Variants in TSNARE1 observed in about 807,000 individuals in gnomAD.
TSNARE1 encodes the protein t-SNARE domain-containing protein 1.
TSNARE1 carries 49 observed loss-of-function variants against 62.0 expected under a neutral mutation model. The observed-to-expected ratio is 0.79, with a 90% confidence interval of 0.63 to 1.00. The LOEUF (loss-of-function observed/expected upper bound fraction) is 1.00. Ranked by LOEUF, TSNARE1 falls within the 50% of genes least tolerant of loss-of-function variation. The probability of loss-of-function intolerance (pLI) is 0.00; values close to 1 mark genes in which losing one functional copy is unlikely to be tolerated. For missense variants in TSNARE1, 755 were observed against 700.1 expected (o/e 1.08, Z -0.88); for synonymous variants, 328 against 294.4 (o/e 1.11, Z -1.17).
chr8:142,269,480 G>A (rs1819331490), intron 12 of TSNARE1: 4 of 985,404 alleles, frequency 4.1e-6, no homozygotes. Context: ...AGCCGTGCTG[G>A]GTATCTTTAT....
At chr8:142,290,717 G>A (rs1175505127) in intron 10 of TSNARE1, among the ~76,000 whole-genome samples, 1 of 152,252 alleles carries the variant, frequency 6.6e-6, no homozygotes, top group African/African-American at 2.4e-5. Flanking sequence ...GCACCTTCAG[G>A]CTGTGCAATG....
chr8:142,261,625 G>A (rs936253336), intron 12 of TSNARE1, among the ~76,000 whole-genome samples: 22 of 152,076 alleles, frequency 1.4e-4, no homozygotes, highest in African/African-American at 4.8e-4. Context: ...GATCTGTGAA[G>A]GCAGCATTTC....
chr8:142,248,765 AC>A (rs961813616), intron 12 of TSNARE1, among the ~76,000 whole-genome samples: 7 of 152,228 alleles, frequency 4.6e-5, no homozygotes, highest in Admixed American at 2.0e-4. Context: ...AGCCTGGCCC[AC>A]GGGGGCTCCA....
At chr8:142,299,660 C>T (rs963409625) in intron 10 of TSNARE1, among the ~76,000 whole-genome samples, 1 of 152,142 alleles carries the variant, frequency 6.6e-6, no homozygotes, top group African/African-American at 2.4e-5. Flanking sequence ...CGCATACTTG[C>T]ATGCACACAC....
intron 13 of TSNARE1, among the ~76,000 whole-genome samples, chr8:142,222,692 TCAC>T (rs1816421659): frequency 9.0e-5 from 10 of 110,690 alleles, no homozygotes; most frequent in Non-Finnish European, 1.5e-4. Context: ...ATCCACTCAC[TCAC>T]TCATCCACTC....
At chr8:142,239,681 C>A (rs1817594567) in intron 12 of TSNARE1, among the ~76,000 whole-genome samples, 1 of 152,210 alleles carries the variant, frequency 6.6e-6, no homozygotes, top group African/African-American at 2.4e-5. Context: ...ATGGAGTAAT[C>A]AGGAAAACCC....
intron 1 of TSNARE1, among the ~76,000 whole-genome samples, chr8:142,402,033 C>T (rs893004571): frequency 6.6e-6 from 1 of 152,090 alleles, no homozygotes; most frequent in Non-Finnish European, 1.5e-5. Flanking sequence ...GTGACAATGA[C>T]AAACAAGAAA....
intron 10 of TSNARE1, among the ~76,000 whole-genome samples, chr8:142,292,326 C>T (rs1823930226): frequency 1.3e-5 from 2 of 152,194 alleles, no homozygotes; most frequent in Admixed American, 6.5e-5. Context: ...AGGCGAGGGC[C>T]GGAGAGGAAT....
chr8:142,397,875 G>GCAGGCTCCAGAC (rs1221333648), intron 1 of TSNARE1, among the ~76,000 whole-genome samples: 1 of 152,130 alleles, frequency 6.6e-6, no homozygotes, highest in Non-Finnish European at 1.5e-5. Context: ...CCTGGCCCCT[G>GCAGGCTCCAGAC]CAGGCTCCAG....
intron 12 of TSNARE1, among the ~76,000 whole-genome samples, chr8:142,252,648 G>C (rs1586854069): frequency 6.6e-6 from 1 of 152,226 alleles, no homozygotes; most frequent in East Asian, 1.9e-4. Flanking sequence ...CAGGACCCAG[G>C]TCAGGGCACT....
intron 4 of TSNARE1, among the ~76,000 whole-genome samples, chr8:142,338,721 C>G (rs1025176240): frequency 6.6e-6 from 1 of 152,222 alleles, no homozygotes; most frequent in Non-Finnish European, 1.5e-5. Context: ...CAGGTTCAGG[C>G]AGGAAAAAGC....
At chr8:142,364,643 C>A (rs1179603173) in intron 1 of TSNARE1, among the ~76,000 whole-genome samples, 2 of 152,096 alleles carry the variant, frequency 1.3e-5, no homozygotes, top group African/African-American at 2.4e-5. Flanking sequence ...AAGTCTGGAT[C>A]ATGGAGCATG....
intron 12 of TSNARE1, chr8:142,274,531 C>T (rs1438662687): frequency 8.1e-6 from 8 of 985,312 alleles, no homozygotes; most frequent in Admixed American, 1.2e-4. Context: ...TGGGAGAGGG[C>T]GGCGTGGTGC....
chr8:142,241,421 T>A (rs2130188487), intron 12 of TSNARE1, among the ~76,000 whole-genome samples: 1 of 152,344 alleles, frequency 6.6e-6, no homozygotes, highest in South Asian at 2.1e-4. Context: ...TATACTGTTA[T>A]AATGCCTATA....
intron 12 of TSNARE1, among the ~76,000 whole-genome samples, chr8:142,232,626 C>T (rs766695870): frequency 3.9e-5 from 6 of 152,220 alleles, no homozygotes; most frequent in Non-Finnish European, 7.3e-5. Context: ...CGCCCAGGGA[C>T]ACTCTGCAGC....
intron 12 of TSNARE1, among the ~76,000 whole-genome samples, chr8:142,259,688 G>C (rs915967566): frequency 1.5e-4 from 23 of 152,166 alleles, no homozygotes; most frequent in African/African-American, 5.1e-4. Flanking sequence ...CCCACAAGCA[G>C]CCTCTTACAG....
chr8:142,344,369 C>A lies in TSNARE1; in HGVS notation c.342G>T (p.Ala114=), dbSNP rs1207012034. Residue 114 remains alanine, a synonymous_variant, in exon 4 of 14, where the codon GCG becomes GCT. Transcript: ENST00000524325. ...TCTTGGCCCGGGTAGTGCTGGGCCC[C>A]GCCATCCGGCCATGGGGCCCAGCAG... is the stretch of plus-strand genomic sequence containing the variant. ...DSAAGPHGRM[A]GPSTTRAKKR... is the part of the protein sequence containing the mutation. 6.4e-7 allele frequency: 1 copy of A among 1,569,754 alleles called. No individual in the cohort carries two copies. Among genetic ancestry groups the A allele is most frequent in the Non-Finnish European group, 8.6e-7 (1 of 1,162,100 alleles).
chr8:142,368,627 G>A (rs1835723237), intron 1 of TSNARE1, among the ~76,000 whole-genome samples: 1 of 152,156 alleles, frequency 6.6e-6, no homozygotes, highest in African/African-American at 2.4e-5. Context: ...AAGCCACCTG[G>A]GCGGCCACAT....
Position 142,394,007 on chromosome 8 carries a change from G to A in TSNARE1, c.-40+9097C>T, listed in dbSNP as rs116290962. 3.8e-3 allele frequency among the ~76,000 whole-genome samples: 576 copies of A among 152,312 alleles called. 2 individuals carry two copies. Among genetic ancestry groups the A allele is most frequent in the African/African-American group, 0.013 (520 of 41,554 alleles). ...CTAAAACCTGAGGGATGTTCATTACGAAAGCAAAACCATACAGGTTACATT... is the reference window on the plus strand; with the variant it reads ...CTAAAACCTGAGGGATGTTCATTACAAAAGCAAAACCATACAGGTTACATT... On this transcript the variant is annotated intron_variant, in intron 1 of 13. Transcript: ENST00000524325.
Sources: gnomAD v4.1 joint callset for allele counts (sites outside exome capture counted in the v4.1 genomes callset) on GRCh38, gnomAD v4.1.1 for gene constraint, MANE v1.5 for transcripts, NCBI Gene and HGNC (gene_info 2026-07-23, HGNC 2026-07-21) for gene names.